The following CELSR1 variants were observed in gnomAD, a reference collection of about 807,000 sequenced individuals.
CELSR1 encodes the protein adhesion G protein-coupled receptor C1.
CELSR1 carries 110 observed loss-of-function variants against 249.1 expected under a neutral mutation model. That is an observed-to-expected ratio of 0.44 (90% CI 0.38 to 0.52). The LOEUF is 0.52. Ranked by LOEUF, CELSR1 falls within the 20% of genes least tolerant of loss-of-function variation. The pLI is 0.00. For missense variants in CELSR1, 4,109 were observed against 4,296.4 expected, an observed-to-expected ratio of 0.96 and a Z score of 1.22; for synonymous variants, 2,113 against 1,900.0, an observed-to-expected ratio of 1.11 and a Z score of -2.92.
In CELSR1 at chr22:46,517,134, C is replaced by T. The variant is rs2080636141; in HGVS notation, c.3544+16493G>A. ...GATCATTCCCCTGAGGTATACAAACCACCTCCCCATCCCCCACTGCCTCAG... is the reference window on the plus strand; with the variant it reads ...GATCATTCCCCTGAGGTATACAAACTACCTCCCCATCCCCCACTGCCTCAG... On this transcript the variant is annotated intron_variant, in intron 1 of 34. Coordinates refer to ENST00000674500, the MANE Select transcript of CELSR1 (RefSeq NM_001378328.1). The surrounding 1 kb of genome is among the most constrained non-coding windows in gnomAD (Gnocchi z 5.4). Among the ~76,000 whole-genome samples, 1 of 152,212 alleles carries T rather than the reference C, an allele frequency of 6.6e-6. No homozygotes were observed. The highest frequency in any genetic ancestry group is 1.5e-5 in the Non-Finnish European group (1 of 68,030).
intron 1 of CELSR1, among the ~76,000 whole-genome samples, chr22:46,524,031 C>T (rs1025882125): frequency 2.0e-5 from 3 of 152,360 alleles, no homozygotes; most frequent in African/African-American, 7.2e-5. Flanking sequence ...CACTGAGCTT[C>T]CGTCCTCAGA....
In CELSR1 at chr22:46,404,416, A is replaced by G. The variant is rs575659052; in HGVS notation, c.5227-4514T>C. ...GACAGAGTGAGACTCCATTTCAAAA[A>G]AAAAAGAAAAAGAAAAAAGAAAAGA... On this transcript the variant is annotated intron_variant, in intron 9 of 34. Transcript: ENST00000674500. Among the ~76,000 whole-genome samples, 249 of 152,284 alleles carry G rather than the reference A, an allele frequency of 1.6e-3. 1 individual carries two copies. The highest frequency in any genetic ancestry group is 5.7e-3 in the African/African-American group (238 of 41,554).
intron 22 of CELSR1, among the ~76,000 whole-genome samples, chr22:46,379,827 G>A (rs375252631): frequency 2.2e-4 from 33 of 152,292 alleles, no homozygotes; most frequent in Admixed American, 3.9e-4. Flanking sequence ...CCTGCATGGC[G>A]TCTCCCCTTC....
chr22:46,364,642 C>T lies in CELSR1; in HGVS notation c.8649G>A (p.Lys2883=), dbSNP rs139455562. The T allele has an allele frequency of 3.1e-6, 5 of 1,612,604 alleles. No homozygotes were observed. Among genetic ancestry groups the T allele is most frequent in the Non-Finnish European group, 3.4e-6 (4 of 1,179,936 alleles). Residue 2883 remains lysine (K), a synonymous_variant, in exon 33 of 35, where the codon AAG becomes AAA. Coordinates refer to ENST00000674500, the MANE Select transcript of CELSR1 (RefSeq NM_001378328.1). ...SEDPSGKPRL[K]VETKVSVELH... ...GCTCCACGCTGACCTTGGTCTCCAC[C>T]TTCAGGCGGGGCTTGCCGCTGGGGT...
intron 5 of CELSR1, among the ~76,000 whole-genome samples, chr22:46,421,596 G>A (rs1465220971): frequency 1.3e-5 from 2 of 152,214 alleles, no homozygotes; most frequent in African/African-American, 2.4e-5. Flanking sequence ...GCCCCCACCT[G>A]CCACAGCGCC....
At position 46,386,568 on chromosome 22, in the gene CELSR1, G is replaced by T; in HGVS notation, c.6573C>A (p.Gly2191=). 6.3e-7 allele frequency: 1 copy of T among 1,595,730 alleles called. No homozygotes were observed. The highest frequency in any genetic ancestry group is 8.5e-7 in the Non-Finnish European group (1 of 1,174,986). ...TGGTGGCTGGGGCCAGGAGGGCGCT[G>T]CCCGAGTGGATGACGTCCTGGTCAG... ...ADFHEDVIHS[G]SALLAPATRA... Residue 2191 remains glycine (G), a synonymous_variant, in exon 19 of 35, where the codon GGC becomes GGA. Coordinates refer to ENST00000674500, the MANE Select transcript of CELSR1 (RefSeq NM_001378328.1).
chr22:46,404,854 C>T (rs904157177), intron 9 of CELSR1, among the ~76,000 whole-genome samples: 3 of 152,182 alleles, frequency 2.0e-5, no homozygotes, highest in Admixed American at 1.3e-4. Context: ...GAGACAGTTT[C>T]GCTCTTGTTA....
rs777928882 is a variant in CELSR1, at chr22:46,380,929, G to T, written c.7115C>A (p.Thr2372Asn). Residue 2372 changes from threonine (T) to asparagine (N), a missense_variant, in exon 22 of 35, where the codon ACC (threonine) becomes AAC (asparagine). Thr to Asn is a moderately conservative substitution (Grantham distance 65, BLOSUM62 0). Transcript: ENST00000674500. This position sits in a 1 kb window ranked among gnomAD's most constrained non-coding sequence, Gnocchi z 5.1. ...LRLPHRPIIN[T>N]PMVSTLVYSE... is the part of the protein sequence containing the mutation. ...GTACACCAGCGTGCTCACCATCGGGGTATTAATGATGGGCCGGTGAGGCAA... is the reference window on the plus strand; with the variant it reads ...GTACACCAGCGTGCTCACCATCGGGTTATTAATGATGGGCCGGTGAGGCAA... 4 of 1,613,408 alleles carry T rather than the reference G, an allele frequency of 2.5e-6. No homozygotes were observed. In the African/African-American group the frequency reaches 5.3e-5, roughly 22 times the overall value.
rs1418632559 is a variant in CELSR1, at chr22:46,411,525, C to T, written c.4769+77G>A. The T allele has an allele frequency of 2.9e-5, 45 of 1,556,024 alleles. No individual in the cohort carries two copies. Among genetic ancestry groups the T allele is most frequent in the Non-Finnish European group, 3.8e-5 (44 of 1,145,584 alleles). ...CTGCACCCAGAGTGCCTACGTGGGG[C>T]CCTGCCCTGGGAAGGCCGCAGGGTG... On this transcript the variant is annotated intron_variant, in intron 6 of 34. Transcript: ENST00000674500. The surrounding 1 kb of genome is among the most constrained non-coding windows in gnomAD (Gnocchi z 4.2).
chr22:46,409,198 C>G lies in CELSR1; in HGVS notation c.5060-36G>C, dbSNP rs1453873787. 1.9e-6 allele frequency: 3 copies of G among 1,603,208 alleles called. No individual in the cohort carries two copies. Among genetic ancestry groups the G allele is most frequent in the Non-Finnish European group, 2.6e-6 (3 of 1,176,132 alleles). On this transcript the variant is annotated intron_variant, in intron 8 of 34. Coordinates refer to ENST00000674500, the MANE Select transcript of CELSR1 (RefSeq NM_001378328.1). This position sits in a 1 kb window ranked among gnomAD's most constrained non-coding sequence, Gnocchi z 9.8. ...AGGCCCAGGGACCTCAGGTGTCTCCCGAAATCACACGGCCGCGGACTTGGC... is the reference window on the plus strand; with the variant it reads ...AGGCCCAGGGACCTCAGGTGTCTCCGGAAATCACACGGCCGCGGACTTGGC...
rs1216544526 is a variant in CELSR1, at chr22:46,381,903, T to C, written c.7031A>G (p.Tyr2344Cys). ...GQFAVALVII[Y>C]RTLGQLLPER... The stretch of plus-strand genomic sequence containing the variant: ...GGGCAGGAGCTGCCCCAGGGTGCGG[T>C]AAATGATGACCAGAGCGACGGCGAA... Residue 2344 changes from tyrosine to cysteine, a missense_variant, in exon 21 of 35, where the codon TAC becomes TGC. Transcript: ENST00000674500. The surrounding 1 kb of genome is among the most constrained non-coding windows in gnomAD (Gnocchi z 6.0). 3.2e-6 allele frequency: 5 copies of C among 1,575,196 alleles called. No homozygotes were observed. The highest frequency in any genetic ancestry group is 4.3e-6 in the Non-Finnish European group (5 of 1,162,546).
In CELSR1 at chr22:46,372,992, G is replaced by C; in HGVS notation, c.7650C>G (p.Leu2550=). Residue 2550 remains leucine, a synonymous_variant, in exon 25 of 35, where the codon CTC becomes CTG. Coordinates refer to ENST00000674500, the MANE Select transcript of CELSR1 (RefSeq NM_001378328.1). Reference sequence around the variant, plus strand: ...TGCGGTAGACATGCAGGCTCTCCACGAGGGTCCAGGCAAAGGTGCTCATGT... The same window carrying C: ...TGCGGTAGACATGCAGGCTCTCCACCAGGGTCCAGGCAAAGGTGCTCATGT... ...YIYMSTFAWT[L]VESLHVYRML... The C allele has an allele frequency of 6.2e-7, 1 of 1,613,198 alleles. No homozygotes were observed. Among genetic ancestry groups the C allele is most frequent in the Non-Finnish European group, 8.5e-7 (1 of 1,179,850 alleles).
chr22:46,372,960 G>T lies in CELSR1; in HGVS notation c.7682C>A (p.Thr2561Asn). Residue 2561 changes from threonine to asparagine, a missense_variant, in exon 25 of 35, where the codon ACC becomes AAC. By Grantham distance (65) the Thr-to-Asn change is moderately conservative. This residue lies in a region of CELSR1 where 1,805 missense variants were observed against 1,831.6 expected (regional missense o/e 0.99). Coordinates refer to ENST00000674500, the MANE Select transcript of CELSR1 (RefSeq NM_001378328.1). ...VESLHVYRML[T>N]EVRNIDTGPM... ...CCCCGTGTCGATGTTGCGCACCTCG[G>T]TCAGCATGCGGTAGACATGCAGGCT... 6.2e-7 allele frequency: 1 copy of T among 1,613,364 alleles called. No individual in the cohort carries two copies. The highest frequency in any genetic ancestry group is 8.5e-7 in the Non-Finnish European group (1 of 1,179,906).
chr22:46,505,261 CAAAAAAA>C (rs3081585), intron 1 of CELSR1, among the ~76,000 whole-genome samples: 5 of 62,550 alleles, frequency 8.0e-5, no homozygotes, highest in Non-Finnish European at 8.0e-5. Flanking sequence ...GACTCTGTCT[CAAAAAAA>C]AAAAAAAAAA....
At chr22:46,426,310 ACT>A (rs2147403135) in intron 5 of CELSR1, among the ~76,000 whole-genome samples, 1 of 152,336 alleles carries the variant, frequency 6.6e-6, no homozygotes, top group South Asian at 2.1e-4. Flanking sequence ...ATGACCTCTA[ACT>A]CTGCTTGGGT....
rs769564962 is a variant in CELSR1, at chr22:46,464,399, C to CT, written c.3545-55dup. ...TCAGATGCTGCGGGAGTCACAGGTCCTATAGGCCCCATCCCAGGAGCAGCC... is the reference window on the plus strand; with the variant it reads ...TCAGATGCTGCGGGAGTCACAGGTCCTTATAGGCCCCATCCCAGGAGCAGCC... On this transcript the variant is annotated intron_variant, in intron 1 of 34. Transcript: ENST00000674500. The surrounding 1 kb of genome is among the most constrained non-coding windows in gnomAD (Gnocchi z 8.5). 5 of 1,555,056 alleles carry CT rather than the reference C, an allele frequency of 3.2e-6. No homozygotes were observed. Among genetic ancestry groups the CT allele is most frequent in the Non-Finnish European group, 4.3e-6 (5 of 1,149,474 alleles).
chr22:46,479,667 C>T (rs1189731306), intron 1 of CELSR1, among the ~76,000 whole-genome samples: 1 of 152,102 alleles, frequency 6.6e-6, no homozygotes, highest in African/African-American at 2.4e-5. Flanking sequence ...TTTTTAAAAC[C>T]AAACCACTAG....
rs1350015707 is a variant in CELSR1 at position 46,527,969 on chromosome 22, C to G, written c.3544+5658G>C. 6.6e-6 allele frequency among the ~76,000 whole-genome samples: 1 copy of G among 152,054 alleles called. No homozygotes were observed. The highest frequency in any genetic ancestry group is 1.9e-4 in the East Asian group (1 of 5,190). ...AATTAGCCAGGCATGATGGCGGGTA[C>G]CTATAATCCCAGCTACTTGGGAAGC... On this transcript the variant is annotated intron_variant, in intron 1 of 34. Transcript: ENST00000674500. The surrounding 1 kb of genome is among the most constrained non-coding windows in gnomAD (Gnocchi z 5.5).
chr22:46,479,182 G>A (rs1057114466), intron 1 of CELSR1, among the ~76,000 whole-genome samples: 15 of 151,856 alleles, frequency 9.9e-5, no homozygotes, highest in African/African-American at 2.2e-4. Context: ...ATCCGCCGAC[G>A]GACGCTCCCG....
Sources: gnomAD v4.1 joint callset for allele counts (sites outside exome capture counted in the v4.1 genomes callset) on GRCh38, gnomAD v4.1.1 for gene constraint, gnomAD v4.1.1 regional missense constraint, Gnocchi (gnomAD v3.1) non-coding constraint, MANE v1.5 for transcripts, NCBI Gene and HGNC (gene_info 2026-07-23, HGNC 2026-07-21) for gene names.